The following CADM2 variants were observed in gnomAD, a reference collection of about 807,000 sequenced individuals.
The protein encoded by CADM2 is cell adhesion molecule 2.
A neutral mutation model predicts 49.8 loss-of-function variants in CADM2; 12 were observed. The observed-to-expected ratio is 0.24, with a 90% CI of 0.15 to 0.39. CADM2 has a LOEUF of 0.39. Among genes scored for constraint, CADM2 ranks in the 10% least tolerant of loss-of-function variants. The probability of loss-of-function intolerance (pLI) is 1.00; values close to 1 mark genes in which losing one functional copy is unlikely to be tolerated. For missense variants in CADM2, 378 were observed against 492.3 expected, an observed-to-expected ratio of 0.77 and a Z score of 2.20; for synonymous variants, 214 against 175.4, an observed-to-expected ratio of 1.22 and a Z score of -1.74.
At chr3:85,022,060 GA>G (rs1054857519) in intron 1 of CADM2, among the ~76,000 whole-genome samples, 2 of 152,098 alleles carry the variant, frequency 1.3e-5, no homozygotes, top group African/African-American at 2.4e-5. Context: ...CTAACAGAGG[GA>G]AAAATAACGT....
rs1446206970 is a variant in CADM2, at chr3:85,627,618, C to A, written c.62-98904C>A. On this transcript the variant is annotated intron_variant, in intron 1 of 9. Coordinates refer to ENST00000383699, the MANE Select transcript of CADM2 (RefSeq NM_001167675.2). ...CATATGAGAACCCGGGGTGCTCAAA[C>A]AAAGATAACTATGGCTCTTTCATTC... 2.0e-5 allele frequency among the ~76,000 whole-genome samples: 3 copies of A among 151,862 alleles called. No homozygotes were observed. In the Admixed American group the frequency reaches 2.0e-4, roughly 10 times the overall value.
At chr3:85,973,952 G>A (rs1331614633) in intron 8 of CADM2, among the ~76,000 whole-genome samples, 1 of 151,748 alleles carries the variant, frequency 6.6e-6, no homozygotes, top group Non-Finnish European at 1.5e-5. Flanking sequence ...AGATGTGAGA[G>A]TAGCATTTTG....
intron 1 of CADM2, among the ~76,000 whole-genome samples, chr3:85,582,777 T>C (rs1318020289): frequency 2.6e-5 from 4 of 152,084 alleles, no homozygotes; most frequent in Non-Finnish European, 5.9e-5. Flanking sequence ...GTACTAAAAA[T>C]AGAGTTGTCA....
chr3:85,153,445 A>G (rs1253202174), intron 1 of CADM2, among the ~76,000 whole-genome samples: 1 of 152,150 alleles, frequency 6.6e-6, no homozygotes, highest in Admixed American at 6.5e-5. Flanking sequence ...ATGCCAACGG[A>G]GTCTCACTGA....
At chr3:85,915,810 A>G (rs1049567202) in intron 6 of CADM2, among the ~76,000 whole-genome samples, 12 of 152,210 alleles carry the variant, frequency 7.9e-5, no homozygotes, top group Non-Finnish European at 1.5e-5. Flanking sequence ...ATGGAAGAAC[A>G]TTTAGCATTT....
chr3:85,132,380 T>A (rs2107611600), intron 1 of CADM2, among the ~76,000 whole-genome samples: 1 of 152,246 alleles, frequency 6.6e-6, no homozygotes. Flanking sequence ...TTCTTAGAAC[T>A]TTGGAGTTTG....
At chr3:85,421,372 T>A (rs955170943) in intron 1 of CADM2, among the ~76,000 whole-genome samples, 1 of 152,192 alleles carries the variant, frequency 6.6e-6, no homozygotes, top group African/African-American at 2.4e-5. Context: ...GTGTAGGCGA[T>A]ATTTAGGAAT....
At chr3:85,595,339 A>G (rs2063213609) in intron 1 of CADM2, among the ~76,000 whole-genome samples, 1 of 152,028 alleles carries the variant, frequency 6.6e-6, no homozygotes, top group African/African-American at 2.4e-5. Flanking sequence ...AAATCATTTT[A>G]TGACTTCTGA....
intron 1 of CADM2, among the ~76,000 whole-genome samples, chr3:85,051,767 G>A (rs1182967271): frequency 2.0e-5 from 3 of 152,070 alleles, no homozygotes; most frequent in African/African-American, 7.2e-5. Context: ...TTTCCAGAAT[G>A]CATTAAATTT....
At chr3:85,756,956 T>C (rs1043396917) in intron 2 of CADM2, among the ~76,000 whole-genome samples, 1 of 152,122 alleles carries the variant, frequency 6.6e-6, no homozygotes, top group Non-Finnish European at 1.5e-5. Context: ...TTAATAAAAA[T>C]ATCATTTGAC....
At chr3:85,710,310 GTGGAAA>G (rs2067078666) in intron 1 of CADM2, among the ~76,000 whole-genome samples, 1 of 152,126 alleles carries the variant, frequency 6.6e-6, no homozygotes, top group East Asian at 1.9e-4. Flanking sequence ...TTTCTTATGT[GTGGAAA>G]TGATCTTTCT....
At chr3:85,319,614 TA>T (rs5850681) in intron 1 of CADM2, among the ~76,000 whole-genome samples, 16,284 of 152,024 alleles carry the variant, frequency 0.11, 1,056 homozygotes, top group African/African-American at 0.18. Context: ...TATGCAGCCA[TA>T]AAAAAATGAG....
At chr3:86,016,941 A>C (rs1374604546) in intron 8 of CADM2, among the ~76,000 whole-genome samples, 2 of 152,056 alleles carry the variant, frequency 1.3e-5, no homozygotes, top group African/African-American at 4.8e-5. Context: ...TAAAAATCTG[A>C]ACTTTGAGAA....
At chr3:85,253,768 T>C (rs1252221881) in intron 1 of CADM2, among the ~76,000 whole-genome samples, 1 of 152,024 alleles carries the variant, frequency 6.6e-6, no homozygotes, top group Non-Finnish European at 1.5e-5. Flanking sequence ...TGGGTCAGAG[T>C]CCTGTCAAGA....
chr3:85,909,378 A>G (rs1717251903), intron 5 of CADM2, among the ~76,000 whole-genome samples: 1 of 148,530 alleles, frequency 6.7e-6, no homozygotes. Flanking sequence ...TAGGACGTGC[A>G]TATTTTGAAA....
intron 1 of CADM2, among the ~76,000 whole-genome samples, chr3:85,665,859 C>T (rs2065548124): frequency 6.6e-6 from 1 of 151,822 alleles, no homozygotes; most frequent in Non-Finnish European, 1.5e-5. Context: ...TTATGGGATC[C>T]AGAGCAATAA....
chr3:85,084,020 A>G (rs1198837193), intron 1 of CADM2, among the ~76,000 whole-genome samples: 1 of 152,172 alleles, frequency 6.6e-6, no homozygotes, highest in Non-Finnish European at 1.5e-5. Context: ...CAATTATTAT[A>G]TGCCCTGCTG....
rs2030225462 is a variant in CADM2 at position 84,959,459 on chromosome 3, G to C, written c.-149G>C. 1.5e-6 allele frequency: 1 copy of C among 677,788 alleles called. No individual in the cohort carries two copies. Among genetic ancestry groups the C allele is most frequent in the Non-Finnish European group, 2.4e-6 (1 of 408,196 alleles). The allele number at this position is 677,788 out of a possible 1,614,324, so 42.0% of individuals were successfully genotyped here. A position where few individuals can be genotyped will look rare whatever the true frequency, so the allele number is the denominator to read the frequency against. The stretch of plus-strand genomic sequence containing the variant: ...GCCGCTTCTGCTGCCGCCGATCCGA[G>C]TCCGCGGGTTCGAACACCGCAGCGG... On this transcript the variant is annotated 5_prime_UTR_variant, in exon 1 of 10. Transcript: ENST00000383699.
intron 1 of CADM2, among the ~76,000 whole-genome samples, chr3:85,087,510 A>G (rs1209416600): frequency 1.3e-5 from 2 of 152,192 alleles, no homozygotes; most frequent in Non-Finnish European, 2.9e-5. Context: ...ATGGAGTTGT[A>G]ATGGTAGTTT....
Sources: gnomAD v4.1 joint callset for allele counts (sites outside exome capture counted in the v4.1 genomes callset) on GRCh38, gnomAD v4.1.1 for gene constraint, MANE v1.5 for transcripts, NCBI Gene and HGNC (gene_info 2026-07-23, HGNC 2026-07-21) for gene names.